Variants in PRKX observed in about 807,000 individuals in gnomAD.
PRKX encodes protein kinase cAMP-dependent X-linked catalytic subunit, also known as cAMP-dependent protein kinase catalytic subunit PRKX.
PRKX carries 12 observed loss-of-function variants against 22.0 expected under a neutral mutation model. The ratio of observed to expected loss-of-function variants is 0.54; its 90% confidence interval spans 0.35 to 0.88. PRKX has a LOEUF of 0.88. PRKX is among the 40% of genes least tolerant of loss of function. The pLI is 0.01. For synonymous variants in PRKX, 134 were observed against 137.7 expected (o/e 0.97, Z 0.19); for missense variants, 217 against 308.0 (o/e 0.70, Z 2.21).
chrX:3,632,767 T>C (rs1193664128), intron 4 of PRKX, among the ~76,000 whole-genome samples: 1 of 112,213 alleles, frequency 8.9e-6, no homozygotes, highest in Non-Finnish European at 1.9e-5. Context: ...TCTCTAAACA[T>C]ACAGACTGCT....
At chrX:3,620,110 C>G (rs1250432358) in intron 6 of PRKX, among the ~76,000 whole-genome samples, 1 of 111,768 alleles carries the variant, frequency 8.9e-6, no homozygotes, top group East Asian at 2.8e-4. Context: ...AAAATCATCA[C>G]CTGCGCACAC....
chrX:3,638,951 G>A (rs67393171), intron 4 of PRKX, among the ~76,000 whole-genome samples: 27,303 of 100,912 alleles, frequency 0.27, 3,391 homozygotes, highest in Admixed American at 0.44. Context: ...AGGTAGGTAG[G>A]CAGATAAAAA....
chrX:3,650,508 G>C (rs868538910), intron 3 of PRKX, among the ~76,000 whole-genome samples: 42 of 51,118 alleles, frequency 8.2e-4, no homozygotes, highest in Non-Finnish European at 1.3e-3. Context: ...GCGACAGAGC[G>C]AGACTCCTCT....
chrX:3,689,392 G>A (rs1928251507), intron 1 of PRKX, among the ~76,000 whole-genome samples: 1 of 112,636 alleles, frequency 8.9e-6, no homozygotes, highest in Non-Finnish European at 1.9e-5. Flanking sequence ...TTTTAAAAAA[G>A]AGTGTGTGTT....
intron 8 of PRKX, among the ~76,000 whole-genome samples, chrX:3,611,485 C>G (rs58925526): frequency 8.9e-6 from 1 of 112,140 alleles, no homozygotes; most frequent in Non-Finnish European, 1.9e-5. Flanking sequence ...TATAACCGAG[C>G]AATTTAGAAT....
At chrX:3,708,621 T>C (rs918202365) in intron 1 of PRKX, among the ~76,000 whole-genome samples, 1 of 109,975 alleles carries the variant, frequency 9.1e-6, no homozygotes, top group African/African-American at 3.3e-5. Context: ...TCCCACCTCT[T>C]TGGGAGGCCA....
chrX:3,700,671 T>C (rs1341596133), intron 1 of PRKX, among the ~76,000 whole-genome samples: 1 of 111,371 alleles, frequency 9.0e-6, no homozygotes, highest in Non-Finnish European at 1.9e-5. Context: ...CTCGACCTCT[T>C]GGGCTCAAGT....
Position 3,646,299 on chromosome X carries a change from A to G in PRKX, c.600-4328T>C, listed in dbSNP as rs1019000589. Among the ~76,000 whole-genome samples, 11 of 110,748 alleles carry G rather than the reference A, an allele frequency of 9.9e-5. No homozygotes were observed. The East Asian group carries it at 1.4e-3, about 14-fold the overall frequency. On this transcript the variant is annotated intron_variant, in intron 3 of 8. Transcript: ENST00000262848. ...AGAGTGAGACTCCGTCTCAAAAAAAAAGAGAGAGAGACAGAGAGAAACGGA... is the reference window on the plus strand; with the variant it reads ...AGAGTGAGACTCCGTCTCAAAAAAAGAGAGAGAGAGACAGAGAGAAACGGA...
At chrX:3,664,318 C>G (rs1420046314) in intron 2 of PRKX, among the ~76,000 whole-genome samples, 5 of 112,004 alleles carry the variant, frequency 4.5e-5, no homozygotes, top group Non-Finnish European at 9.4e-5. Context: ...ATCACTGCAA[C>G]CTTCAACTCC....
At chrX:3,650,287 C>T (rs903785254) in intron 3 of PRKX, among the ~76,000 whole-genome samples, 7 of 108,641 alleles carry the variant, frequency 6.4e-5, no homozygotes, top group African/African-American at 3.4e-5. Context: ...TCTGGGAGGC[C>T]GAGGCGGGCG....
chrX:3,658,853 G>A (rs750224464), intron 2 of PRKX, among the ~76,000 whole-genome samples: 36 of 111,519 alleles, frequency 3.2e-4, no homozygotes, highest in African/African-American at 9.4e-4. Flanking sequence ...GGACAGGGAA[G>A]GATGCTCAAG....
chrX:3,700,079 C>T (rs1928526162), intron 1 of PRKX, among the ~76,000 whole-genome samples: 1 of 111,674 alleles, frequency 9.0e-6, no homozygotes, highest in Non-Finnish European at 1.9e-5. Flanking sequence ...ATGAACACAT[C>T]AGACTACAAA....
At chrX:3,668,918 C>T (rs940011754) in intron 2 of PRKX, among the ~76,000 whole-genome samples, 1 of 112,648 alleles carries the variant, frequency 8.9e-6, no homozygotes, top group Non-Finnish European at 1.9e-5. Flanking sequence ...CTGCTCCCCA[C>T]AATAAACACT....
chrX:3,644,293 T>G (rs1603473846), intron 3 of PRKX, among the ~76,000 whole-genome samples: 1 of 92,459 alleles, frequency 1.1e-5, no homozygotes, highest in Admixed American at 1.2e-4. Flanking sequence ...TCTCAGCTAG[T>G]CGGGAGGCTG....
At chrX:3,675,258 G>C (rs1003763023) in intron 1 of PRKX, among the ~76,000 whole-genome samples, 5 of 111,607 alleles carry the variant, frequency 4.5e-5, no homozygotes, top group African/African-American at 1.3e-4. Context: ...GCACATTAAG[G>C]CTTGCTCAAA....
At chrX:3,609,064 T>C (rs760525304) in intron 8 of PRKX, 119 bp from the exon 9 acceptor site, 11 of 112,367 alleles carry the variant, frequency 9.8e-5, no homozygotes, top group African/African-American at 3.2e-4. Context: ...AAAGAAAACC[T>C]CTCTTTGTAA....
chrX:3,618,470 T>TAACAG (rs58987702), intron 6 of PRKX, among the ~76,000 whole-genome samples: 2 of 109,612 alleles, frequency 1.8e-5, no homozygotes, highest in African/African-American at 6.6e-5. Flanking sequence ...AATTTTTTTC[T>TAACAG]TAGATCTTAA....
intron 1 of PRKX, among the ~76,000 whole-genome samples, chrX:3,704,859 C>T (rs1417535237): frequency 1.8e-5 from 2 of 111,598 alleles, no homozygotes; most frequent in Admixed American, 1.9e-4. Context: ...TGGGTTGTTG[C>T]CCTATCTTGG....
Position 3,674,937 on chromosome X carries a change from G to A in PRKX, c.167-171C>T, listed in dbSNP as rs1440745839. Among the ~76,000 whole-genome samples, 6 of 111,336 alleles carry A rather than the reference G, an allele frequency of 5.4e-5. No individual in the cohort carries two copies. The East Asian group carries it at 1.4e-3, about 26-fold the overall frequency. On this transcript the variant is annotated intron_variant, in intron 1 of 8. Transcript: ENST00000262848. The stretch of plus-strand genomic sequence containing the variant: ...CGTGGGCTGATGGCATTTAGTGAGA[G>A]GCGCTCACCTGGAATTTTCCACTGA...
Sources: allele counts gnomAD v4.1 joint callset (sites outside exome capture counted in the v4.1 genomes callset), GRCh38; gene constraint gnomAD v4.1.1; transcripts MANE v1.5; gene names NCBI Gene and HGNC (gene_info 2026-07-23, HGNC 2026-07-21).